Variants in PDCL2 observed in about 807,000 individuals in gnomAD.
The protein encoded by PDCL2 is phosducin-like protein 2.
Under a neutral mutation model 30.3 loss-of-function variants are expected in PDCL2, and 23 were observed. The ratio of observed to expected loss-of-function variants is 0.76; its 90% CI spans 0.55 to 1.08. The LOEUF (loss-of-function observed/expected upper bound fraction) is 1.08, where lower values mean the gene tolerates loss of function less well. Ranked by LOEUF, PDCL2 falls within the 50% of genes least tolerant of loss-of-function variation. The pLI is 0.00. For synonymous variants in PDCL2, 68 were observed against 86.2 expected (o/e 0.79, Z 1.17); for missense variants, 243 against 282.3 (o/e 0.86, Z 1.00).
intron 2 of PDCL2, among the ~76,000 whole-genome samples, 171 bp from the exon 3 acceptor site, chr4:55,581,082 G>T (rs921539079): frequency 6.6e-6 from 1 of 152,074 alleles, no homozygotes; most frequent in Non-Finnish European, 1.5e-5. Flanking sequence ...ATCACTTTAG[G>T]TCAGGAGTTC....
chr4:55,580,444 T>C (rs1467643310), intron 3 of PDCL2, among the ~76,000 whole-genome samples: 2 of 152,162 alleles, frequency 1.3e-5, no homozygotes, highest in Non-Finnish European at 2.9e-5. Flanking sequence ...CTGTTCCAGT[T>C]TCTAAAATAA....
chr4:55,562,359 G>C (rs762212710), intron 5 of PDCL2, 45 bp downstream of exon 5: 2 of 1,271,444 alleles, frequency 1.6e-6, no homozygotes. Context: ...TTAGTTTGCA[G>C]ATGTTTTCAC....
At chr4:55,589,029 TTG>T (rs1443795183) in intron 1 of PDCL2, among the ~76,000 whole-genome samples, 1 of 152,062 alleles carries the variant, frequency 6.6e-6, no homozygotes, top group African/African-American at 2.4e-5. Context: ...GGCTAATTTT[TTG>T]TATTTTTTTA....
chr4:55,575,734 GA>G (rs1732550063), intron 3 of PDCL2, among the ~76,000 whole-genome samples: 1 of 152,204 alleles, frequency 6.6e-6, no homozygotes, highest in African/African-American at 2.4e-5. Context: ...TTTCTCAGCA[GA>G]AATTTTGGAA....
intron 4 of PDCL2, 49 bp downstream of exon 4, chr4:55,569,669 T>C: frequency 2.9e-6 from 4 of 1,393,350 alleles, no homozygotes; most frequent in Non-Finnish European, 3.8e-6. Context: ...CAAAAATATG[T>C]CTTTTAAAAT....
chr4:55,556,542 A>G lies in PDCL2; in HGVS notation c.*15T>C, dbSNP rs868265189. ...AGTACACATATACTAAAAGCTATTT[A>G]TTGAATATTTCTCTCTATTTGGTAT... On this transcript the variant is annotated 3_prime_UTR_variant, in exon 6 of 6. Coordinates refer to ENST00000295645, the MANE Select transcript of PDCL2 (RefSeq NM_152401.3). The G allele has an allele frequency of 5.3e-6, 8 of 1,502,510 alleles. No individual in the cohort carries two copies. The African/African-American group carries it at 7.0e-5, about 13-fold the overall frequency. 93.1% of individuals were successfully genotyped at this position (1,502,510 alleles called of 1,614,324 possible).
In PDCL2 at chr4:55,580,816, T is replaced by C. The variant is rs551283916; in HGVS notation, c.218+5A>G. Reference sequence around the variant, plus strand: ...TTTATAATTAACCCAAATGAATCACTGTACCTATATGTTTCAACAGCCTGC... The same window carrying C: ...TTTATAATTAACCCAAATGAATCACCGTACCTATATGTTTCAACAGCCTGC... On this transcript the variant is annotated splice_donor_5th_base_variant and intron_variant, in intron 3 of 5. Transcript: ENST00000295645. 5.1e-5 allele frequency: 80 copies of C among 1,580,998 alleles called. No homozygotes were observed. Among genetic ancestry groups the C allele is most frequent in the Non-Finnish European group, 6.5e-5 (76 of 1,162,478 alleles).
At chr4:55,591,532 G>A (rs755333135) in intron 1 of PDCL2, among the ~76,000 whole-genome samples, 8 of 152,156 alleles carry the variant, frequency 5.3e-5, no homozygotes, top group East Asian at 1.9e-4. Context: ...GGCTACAGGC[G>A]CACGCCACCA....
At chr4:55,563,811 A>C (rs890095372) in intron 4 of PDCL2, among the ~76,000 whole-genome samples, 2 of 152,202 alleles carry the variant, frequency 1.3e-5, no homozygotes, top group African/African-American at 2.4e-5. Context: ...AGAGAAGAGG[A>C]GGCCTGGATA....
chr4:55,585,354 C>G (rs1732832408), intron 1 of PDCL2, among the ~76,000 whole-genome samples: 1 of 152,044 alleles, frequency 6.6e-6, no homozygotes, highest in African/African-American at 2.4e-5. Flanking sequence ...ATGGTGAAAC[C>G]CTGTCTCTAC....
intron 4 of PDCL2, among the ~76,000 whole-genome samples, chr4:55,569,330 T>TAC (rs1346458494): frequency 2.6e-5 from 4 of 152,140 alleles, no homozygotes; most frequent in East Asian, 3.8e-4. Context: ...AATGCAAATA[T>TAC]ACACACACAC....
rs377285011 is a variant in PDCL2 at position 55,582,100 on chromosome 4, C to G, written c.127+17G>C. 3.1e-5 allele frequency: 50 copies of G among 1,611,394 alleles called. No homozygotes were observed. The highest frequency in any genetic ancestry group is 6.7e-5 in the African/African-American group (5 of 74,814). On this transcript the variant is annotated intron_variant, in intron 2 of 5. Transcript: ENST00000295645. The stretch of plus-strand genomic sequence containing the variant: ...GTATTATTCCCATCATCCAGCCCAC[C>G]AAATCTACGACCATACCCATTGCTT...
chr4:55,558,443 C>T (rs1227419839), intron 5 of PDCL2, among the ~76,000 whole-genome samples: 6 of 152,314 alleles, frequency 3.9e-5, no homozygotes, highest in Middle Eastern at 6.8e-3. Context: ...AAGAAGAACA[C>T]GTTTGCTTCC....
intron 3 of PDCL2, among the ~76,000 whole-genome samples, chr4:55,573,947 G>A (rs1046722430): frequency 6.6e-6 from 1 of 151,226 alleles, no homozygotes; most frequent in Non-Finnish European, 1.5e-5. Flanking sequence ...AGGCTGGAGT[G>A]CAGTGGCATG....
intron 5 of PDCL2, among the ~76,000 whole-genome samples, chr4:55,561,925 G>A (rs960725318): frequency 6.6e-6 from 1 of 152,110 alleles, no homozygotes; most frequent in South Asian, 2.1e-4. Context: ...AGAAGAAAAA[G>A]ATTACGAATT....
In PDCL2 at chr4:55,592,184, C is replaced by G. The variant is rs1733022817; in HGVS notation, c.-75G>C. 3 of 1,579,596 alleles carry G rather than the reference C, an allele frequency of 1.9e-6. No homozygotes were observed. The highest frequency in any genetic ancestry group is 2.6e-6 in the Non-Finnish European group (3 of 1,162,982). On this transcript the variant is annotated 5_prime_UTR_variant, in exon 1 of 6. Coordinates refer to ENST00000295645, the MANE Select transcript of PDCL2 (RefSeq NM_152401.3). The stretch of plus-strand genomic sequence containing the variant: ...GGCGCCACGGATGGAGACCCGCAGC[C>G]TTCTCCAGGCTGGAAGAGCGCCCGC...
intron 1 of PDCL2, among the ~76,000 whole-genome samples, chr4:55,589,624 T>A (rs11935823): frequency 0.33 from 50,810 of 152,144 alleles, 9,157 homozygotes; most frequent in East Asian, 0.58. Flanking sequence ...CATCCTTTGA[T>A]GGACCAAACC....
At chr4:55,578,139 G>A (rs1732619137) in intron 3 of PDCL2, among the ~76,000 whole-genome samples, 1 of 152,102 alleles carries the variant, frequency 6.6e-6, no homozygotes, top group Non-Finnish European at 1.5e-5. Context: ...AGTTTGTTTT[G>A]AATCTTTAAA....
intron 4 of PDCL2, among the ~76,000 whole-genome samples, chr4:55,567,632 A>G (rs1732304020): frequency 6.6e-6 from 1 of 152,216 alleles, no homozygotes; most frequent in South Asian, 2.1e-4. Flanking sequence ...CTATGAATCA[A>G]CCCAATAATA....
Sources: allele counts gnomAD v4.1 joint callset (sites outside exome capture counted in the v4.1 genomes callset), GRCh38; gene constraint gnomAD v4.1.1; transcripts MANE v1.5; gene names NCBI Gene and HGNC (gene_info 2026-07-23, HGNC 2026-07-21).